Variants in MEGF6 observed in about 807,000 individuals in gnomAD.
MEGF6 encodes multiple epidermal growth factor-like domains protein 6.
A neutral mutation model predicts 207.1 loss-of-function variants in MEGF6; 184 were observed. The observed-to-expected ratio is 0.89, with a 90% confidence interval of 0.79 to 1.00. MEGF6 has a LOEUF of 1.00. MEGF6 is among the 50% of genes least tolerant of loss of function. MEGF6 has a pLI of 0.00. For missense variants in MEGF6, 2,282 were observed against 2,202.9 expected (o/e 1.04, Z -0.72); for synonymous variants, 1,038 against 910.0 (o/e 1.14, Z -2.53).
Position 3,501,029 on chromosome 1 carries a change from A to G in MEGF6, c.2512T>C (p.Cys838Arg), listed in dbSNP as rs373138916. The G allele has an allele frequency of 6.2e-7, 1 of 1,612,708 alleles. No homozygotes were observed. The highest frequency in any genetic ancestry group is 1.3e-5 in the African/African-American group (1 of 75,046). ...CTGCAGTGTCCGGTGGCTGGGTGGC[A>G]GTGCCCATCATTGGCACAAGAGCAC... ...TRCSCANDGH[C>R]HPATGHCSCA... Residue 838 changes from cysteine to arginine, a missense_variant, in exon 20 of 37, where the codon TGC (cysteine) becomes CGC (arginine). Coordinates refer to ENST00000356575, the MANE Select transcript of MEGF6 (RefSeq NM_001409.4).
Position 3,514,565 on chromosome 1 carries a change from C to G in MEGF6, c.838G>C (p.Gly280Arg), listed in dbSNP as rs567274454. Residue 280 changes from glycine to arginine, a missense_variant, in exon 7 of 37, where the codon GGC (glycine) becomes CGC (arginine). Physicochemically the swap from Gly to Arg is moderately radical, Grantham distance 125. Transcript: ENST00000356575. ...GGCGTCCTACCTTCACAGGCCTTGC[C>G]GTCCGCTGCTAGCTGATAGCCCACG... ...CHVGYQLAADGKACEDVDECA... is the reference protein window; with the variant it reads ...CHVGYQLAADRKACEDVDECA... The G allele has an allele frequency of 5.7e-6, 9 of 1,591,054 alleles. No homozygotes were observed. The highest frequency in any genetic ancestry group is 6.8e-6 in the Non-Finnish European group (8 of 1,171,860).
Position 3,531,483 on chromosome 1 carries a change from C to A in MEGF6, c.482-7237G>T, listed in dbSNP as rs1642169668. 7 of 1,073,022 alleles carry A rather than the reference C, an allele frequency of 6.5e-6. No individual in the cohort carries two copies. The African/African-American group carries it at 6.7e-5, about 10-fold the overall frequency. The allele number at this position is 1,073,022 out of a possible 1,614,324, so 66.5% of individuals were successfully genotyped here. A position where few individuals can be genotyped will look rare whatever the true frequency, so the allele number is the denominator to read the frequency against. ...TCCGCCCCGCAGGTAAAGGCCAAGTCCGCAGACAACCGAGGGAGCCGCCCC... is the reference window on the plus strand; with the variant it reads ...TCCGCCCCGCAGGTAAAGGCCAAGTACGCAGACAACCGAGGGAGCCGCCCC... On this transcript the variant is annotated intron_variant, in intron 4 of 36. Coordinates refer to ENST00000356575, the MANE Select transcript of MEGF6 (RefSeq NM_001409.4).
chr1:3,531,964 G>A (rs546362106), intron 4 of MEGF6, among the ~76,000 whole-genome samples: 122 of 152,304 alleles, frequency 8.0e-4, no homozygotes, highest in African/African-American at 2.8e-3. Flanking sequence ...CAGTCCCCAC[G>A]TCCAGTGCCT....
Position 3,605,653 on chromosome 1 carries a change from T to C in MEGF6, c.132-3053A>G, listed in dbSNP as rs556761357. Reference sequence around the variant, plus strand: ...ACGCACACTTCTGTACTCTCACGCATGCAAGCTCACAAACTCACACACACT... The same window carrying C: ...ACGCACACTTCTGTACTCTCACGCACGCAAGCTCACAAACTCACACACACT... On this transcript the variant is annotated intron_variant, in intron 1 of 36. Transcript: ENST00000356575. Among the ~76,000 whole-genome samples the C allele has an allele frequency of 2.1e-4, 27 of 128,550 alleles. No homozygotes were observed. The East Asian group carries it at 5.1e-3, about 24-fold the overall frequency. The allele number at this position is 128,550 out of a possible 152,430, so 84.3% of individuals were successfully genotyped here.
chr1:3,491,380 T>C (rs1640357403), intron 35 of MEGF6, among the ~76,000 whole-genome samples: 1 of 151,908 alleles, frequency 6.6e-6, no homozygotes, highest in African/African-American at 2.4e-5. Flanking sequence ...GGCGGTGCAG[T>C]ACCACAGATG....
At chr1:3,544,098 G>A (rs750765035) in intron 4 of MEGF6, among the ~76,000 whole-genome samples, 9 of 152,086 alleles carry the variant, frequency 5.9e-5, no homozygotes, top group Non-Finnish European at 1.0e-4. Context: ...TCTGTCTTCC[G>A]GGGCCTGACA....
At chr1:3,502,880 C>A (rs183224174) in intron 17 of MEGF6, among the ~76,000 whole-genome samples, 1 of 152,202 alleles carries the variant, frequency 6.6e-6, no homozygotes, top group Non-Finnish European at 1.5e-5. Flanking sequence ...CGGGTAGCAG[C>A]GAAGCCTCCC....
At position 3,490,446 on chromosome 1, in the gene MEGF6, AAGTGTCCTTCT is replaced by A; in HGVS notation, c.*71_*81del. ...CAGTACCAGGAGCTCTGGGCCCGTG[AAGTGTCCTTCT>A]CAGTGGTCACCAAAGGCCAGGGTCC... On this transcript the variant is annotated 3_prime_UTR_variant, in exon 37 of 37. Coordinates refer to ENST00000356575, the MANE Select transcript of MEGF6 (RefSeq NM_001409.4). 1 of 1,481,660 alleles carries A rather than the reference AAGTGTCCTTCT, an allele frequency of 6.7e-7. No individual in the cohort carries two copies. Among genetic ancestry groups the A allele is most frequent in the East Asian group, 2.3e-5 (1 of 43,688 alleles). 91.8% of individuals were successfully genotyped at this position (1,481,660 alleles called of 1,614,324 possible). A position where few individuals can be genotyped will look rare whatever the true frequency, so the allele number is the denominator to read the frequency against.
chr1:3,493,424 G>A lies in MEGF6; in HGVS notation c.4387+347C>T, dbSNP rs539106153. 51 of 367,120 alleles carry A rather than the reference G, an allele frequency of 1.4e-4. No homozygotes were observed. In the Admixed American group the frequency reaches 2.0e-3, roughly 14 times the overall value. 22.7% of individuals were successfully genotyped at this position (367,120 alleles called of 1,614,324 possible). A position where few individuals can be genotyped will look rare whatever the true frequency, so the allele number is the denominator to read the frequency against. On this transcript the variant is annotated intron_variant, in intron 34 of 36. Transcript: ENST00000356575. Reference sequence around the variant, plus strand: ...CTCCTATCCTCAGGTGGGGCCCTCTGGGCTGGAGGGGCCACAGCCCCCTTG... The same window carrying A: ...CTCCTATCCTCAGGTGGGGCCCTCTAGGCTGGAGGGGCCACAGCCCCCTTG...
chr1:3,592,282 G>A (rs953210063), intron 3 of MEGF6, among the ~76,000 whole-genome samples: 5 of 152,200 alleles, frequency 3.3e-5, no homozygotes, highest in Non-Finnish European at 7.4e-5. Flanking sequence ...TGGAGGCCTC[G>A]TGGTGTGGGG....
chr1:3,528,071 T>C (rs545097096), intron 4 of MEGF6, among the ~76,000 whole-genome samples: 1 of 152,346 alleles, frequency 6.6e-6, no homozygotes, highest in East Asian at 1.9e-4. Context: ...GCCTGCTATT[T>C]GCTGTCAGCC....
At chr1:3,590,136 C>T (rs1643952899) in intron 3 of MEGF6, among the ~76,000 whole-genome samples, 2 of 152,314 alleles carry the variant, frequency 1.3e-5, no homozygotes, top group South Asian at 4.1e-4. Flanking sequence ...GGGCTGCAGG[C>T]AGGGTATTCC....
chr1:3,601,175 A>T (rs1644151744), intron 2 of MEGF6, among the ~76,000 whole-genome samples: 4 of 152,304 alleles, frequency 2.6e-5, no homozygotes, highest in Middle Eastern at 3.4e-3. Context: ...ATGCCCCCAT[A>T]GCGAGGGGAC....
chr1:3,562,991 C>T (rs963767395), intron 4 of MEGF6, among the ~76,000 whole-genome samples: 2 of 152,134 alleles, frequency 1.3e-5, no homozygotes, highest in African/African-American at 4.8e-5. Context: ...TCAGGCACCT[C>T]TCTGCCCACC....
intron 4 of MEGF6, among the ~76,000 whole-genome samples, chr1:3,532,824 C>G (rs924859757): frequency 6.6e-6 from 1 of 152,216 alleles, no homozygotes; most frequent in Non-Finnish European, 1.5e-5. Context: ...CTGCCAACCT[C>G]AGCTGCGGCC....
intron 4 of MEGF6, among the ~76,000 whole-genome samples, chr1:3,526,107 G>C (rs541013792): frequency 6.6e-6 from 1 of 152,210 alleles, no homozygotes; most frequent in Non-Finnish European, 1.5e-5. Context: ...ACTGCCCAGA[G>C]AACACGCCAT....
At chr1:3,506,316 G>C in intron 14 of MEGF6, 80 bp from the exon 15 acceptor site, 1 of 1,510,596 alleles carries the variant, frequency 6.6e-7, no homozygotes, top group Admixed American at 2.0e-5. Flanking sequence ...TAGGATGCGC[G>C]GGGGCCCAGG....
intron 5 of MEGF6, among the ~76,000 whole-genome samples, chr1:3,519,199 C>A (rs540219885): frequency 3.1e-4 from 47 of 152,372 alleles, no homozygotes; most frequent in African/African-American, 1.1e-3. Context: ...TGCCCAGCGC[C>A]CGCCTTTCTG....
chr1:3,515,652 C>G, intron 5 of MEGF6, 125 bp from the exon 6 acceptor site: 1 of 1,111,214 alleles, frequency 9.0e-7, no homozygotes, highest in South Asian at 1.5e-5. Flanking sequence ...CTCCCAGCCA[C>G]TCCGAGCCCC....
Sources: allele counts gnomAD v4.1 joint callset (sites outside exome capture counted in the v4.1 genomes callset), GRCh38; gene constraint gnomAD v4.1.1; transcripts MANE v1.5; gene names NCBI Gene and HGNC (gene_info 2026-07-23, HGNC 2026-07-21).